Variants in KCNAB1 observed in about 807,000 individuals in gnomAD.
KCNAB1 encodes potassium voltage-gated channel subfamily A regulatory beta subunit 1.
KCNAB1 carries 35 observed loss-of-function variants against 64.6 expected under a neutral mutation model. The observed-to-expected ratio is 0.54, with a 90% confidence interval of 0.41 to 0.72. The LOEUF (loss-of-function observed/expected upper bound fraction) is 0.72, where lower values mean the gene tolerates loss of function less well. KCNAB1 is among the 30% of genes least tolerant of loss of function. KCNAB1 has a pLI of 0.00. For missense variants in KCNAB1, 401 were observed against 512.9 expected (o/e 0.78, Z 2.11); for synonymous variants, 177 against 183.8 (o/e 0.96, Z 0.30).
rs1242409101 is a variant in KCNAB1, at chr3:156,523,883, C to T, written c.1017C>T (p.Asn339=). 6.2e-7 allele frequency: 1 copy of T among 1,613,902 alleles called. No homozygotes were observed. Among genetic ancestry groups the T allele is most frequent in the South Asian group, 1.1e-5 (1 of 91,050 alleles). The change falls in exon 12 of 14, where the codon AAC becomes AAT. Residue 339 remains asparagine (N), a synonymous_variant. Transcript: ENST00000490337. The part of the protein sequence containing the change: ...IVSEEGRKQQ[N]KLKDLSPIAE... ...GTGAAGAAGGGAGAAAACAGCAAAA[C>T]AAGCTAAAAGACCTTTCCCCAATTG...
intron 1 of KCNAB1, among the ~76,000 whole-genome samples, chr3:156,159,159 G>A (rs1025776569): frequency 1.3e-5 from 2 of 152,124 alleles, no homozygotes; most frequent in African/African-American, 4.8e-5. Flanking sequence ...ATTCCAGGTG[G>A]CCAGTCATCT....
chr3:156,223,465 A>G (rs1021455691), intron 1 of KCNAB1, among the ~76,000 whole-genome samples: 2 of 152,098 alleles, frequency 1.3e-5, no homozygotes, highest in Admixed American at 1.3e-4. Context: ...TGCATTTACA[A>G]TCCCTGAGCT....
At chr3:156,145,407 A>AT (rs2108286097) in intron 1 of KCNAB1, among the ~76,000 whole-genome samples, 1 of 152,214 alleles carries the variant, frequency 6.6e-6, no homozygotes, top group Non-Finnish European at 1.5e-5. Flanking sequence ...TATTTAAGAC[A>AT]TTCTCCTGCA....
intron 1 of KCNAB1, among the ~76,000 whole-genome samples, chr3:156,292,359 A>G (rs1560178502): frequency 6.6e-6 from 1 of 152,190 alleles, no homozygotes; most frequent in Non-Finnish European, 1.5e-5. Context: ...TCCTATGAAC[A>G]TTTTAGAAAC....
At chr3:156,235,558 CA>C (rs1462290198) in intron 1 of KCNAB1, among the ~76,000 whole-genome samples, 1 of 152,180 alleles carries the variant, frequency 6.6e-6, no homozygotes, top group Non-Finnish European at 1.5e-5. Context: ...GTGGCTGACC[CA>C]AATGTTTGGC....
intron 1 of KCNAB1, among the ~76,000 whole-genome samples, chr3:156,349,473 C>T (rs1001962949): frequency 5.9e-5 from 9 of 152,176 alleles, no homozygotes; most frequent in Non-Finnish European, 1.2e-4. Flanking sequence ...TAGTTGGTCA[C>T]CTTCTATCTT....
chr3:156,449,341 C>T (rs1334396633), intron 2 of KCNAB1, among the ~76,000 whole-genome samples: 1 of 152,132 alleles, frequency 6.6e-6, no homozygotes, highest in East Asian at 1.9e-4. Flanking sequence ...AGAATGCAGC[C>T]TTAAACACTT....
At chr3:156,224,311 C>T (rs1039266586) in intron 1 of KCNAB1, among the ~76,000 whole-genome samples, 4 of 152,244 alleles carry the variant, frequency 2.6e-5, no homozygotes, top group African/African-American at 9.6e-5. Context: ...CCTCTCCCAC[C>T]ACACCTCCCT....
intron 7 of KCNAB1, among the ~76,000 whole-genome samples, chr3:156,469,423 AT>A: frequency 6.6e-6 from 1 of 151,536 alleles, no homozygotes; most frequent in South Asian, 2.1e-4. Flanking sequence ...TGCCCAGCTA[AT>A]TTTTTTGTAT....
rs142788357 is a variant in KCNAB1, at chr3:156,322,305, T to C, written c.276-99311T>C. Among the ~76,000 whole-genome samples the C allele has an allele frequency of 7.5e-4, 114 of 152,332 alleles. 1 individual carries two copies. The highest frequency in any genetic ancestry group is 2.2e-3 in the African/African-American group (91 of 41,580). On this transcript the variant is annotated intron_variant, in intron 1 of 13. Transcript: ENST00000490337. The stretch of plus-strand genomic sequence containing the variant: ...ATGTTAAATGAACGTTTGATGTGAC[T>C]GAACTCAAAATATGTACAGTCAGCC...
chr3:156,128,386 A>G (rs1485362810), intron 1 of KCNAB1, among the ~76,000 whole-genome samples: 1 of 152,214 alleles, frequency 6.6e-6, no homozygotes, highest in Non-Finnish European at 1.5e-5. Flanking sequence ...TTGAAGTTGT[A>G]GGAGAAGGAG....
chr3:156,166,824 C>T (rs935924828), intron 1 of KCNAB1, among the ~76,000 whole-genome samples: 2 of 152,136 alleles, frequency 1.3e-5, no homozygotes, highest in African/African-American at 4.8e-5. Context: ...AAGCATCTCC[C>T]CTTCTAATAA....
intron 1 of KCNAB1, among the ~76,000 whole-genome samples, chr3:156,158,435 C>T (rs1430272421): frequency 2.0e-5 from 3 of 152,066 alleles, no homozygotes; most frequent in Admixed American, 6.5e-5. Context: ...AATTTGGGCT[C>T]TCATGTAAAC....
chr3:156,474,883 C>T, intron 8 of KCNAB1, 63 bp downstream of exon 8: 2 of 1,198,314 alleles, frequency 1.7e-6, no homozygotes, highest in Non-Finnish European at 2.5e-6. Context: ...GCTTATTCTG[C>T]TCACAGCAGG....
intron 1 of KCNAB1, among the ~76,000 whole-genome samples, chr3:156,420,920 T>G (rs1715420818): frequency 6.6e-6 from 1 of 151,188 alleles, no homozygotes; most frequent in African/African-American, 2.4e-5. Flanking sequence ...CGTGGTAATT[T>G]TATGTAATCT....
chr3:156,171,284 A>G (rs1339190942), intron 1 of KCNAB1, among the ~76,000 whole-genome samples: 2 of 152,014 alleles, frequency 1.3e-5, no homozygotes, highest in Non-Finnish European at 2.9e-5. Flanking sequence ...AGGAACATCC[A>G]TTGTAAGAGT....
intron 1 of KCNAB1, among the ~76,000 whole-genome samples, chr3:156,281,529 C>T (rs1330524403): frequency 6.6e-6 from 1 of 152,100 alleles, no homozygotes; most frequent in African/African-American, 2.4e-5. Context: ...GGAATAGTTT[C>T]AGAAGGAATG....
chr3:156,493,960 C>T (rs770186401), intron 8 of KCNAB1, among the ~76,000 whole-genome samples: 11 of 152,078 alleles, frequency 7.2e-5, no homozygotes, highest in Non-Finnish European at 1.3e-4. Flanking sequence ...TGGTACCTAC[C>T]AGGCTTCTCC....
intron 13 of KCNAB1, among the ~76,000 whole-genome samples, chr3:156,534,625 T>C (rs1450666578): frequency 6.6e-6 from 1 of 152,150 alleles, no homozygotes; most frequent in Admixed American, 6.5e-5. Flanking sequence ...GCCTACAAAC[T>C]GACCACTATC....
Sources: allele counts gnomAD v4.1 joint callset (sites outside exome capture counted in the v4.1 genomes callset), GRCh38; gene constraint gnomAD v4.1.1; transcripts MANE v1.5; gene names NCBI Gene and HGNC (gene_info 2026-07-23, HGNC 2026-07-21).